COBLL1: variants seen among roughly 807,000 people sequenced by gnomAD.
COBLL1 encodes the protein cordon-bleu protein-like 1.
In COBLL1, 50 loss-of-function variants were observed where a neutral mutation model predicts 94.8. The observed-to-expected ratio is 0.53, with a 90% CI of 0.42 to 0.67. The LOEUF is 0.67. COBLL1 is among the 30% of genes least tolerant of loss of function. The pLI is 0.00. For missense variants in COBLL1, 1,362 were observed against 1,348.7 expected (o/e 1.01, Z -0.15); for synonymous variants, 448 against 473.8 (o/e 0.95, Z 0.71).
rs1214216549 is a variant in COBLL1, at chr2:164,710,570, T to C, written c.997-5465A>G. Among the ~76,000 whole-genome samples, 4 of 150,628 alleles carry C rather than the reference T, an allele frequency of 2.7e-5. No homozygotes were observed. In the East Asian group the frequency reaches 5.8e-4, roughly 22 times the overall value. The stretch of plus-strand genomic sequence containing the variant: ...TGATCCCTAAGCAGCAGCATTCTTT[T>C]TTTTTTTTTTTGGAGACGGAGTTTC... On this transcript the variant is annotated intron_variant, in intron 7 of 13. Transcript: ENST00000652658.
intron 2 of COBLL1, among the ~76,000 whole-genome samples, chr2:164,801,162 G>A (rs1295358632): frequency 2.0e-5 from 3 of 152,106 alleles, no homozygotes; most frequent in Non-Finnish European, 4.4e-5. Context: ...AGCTAAGGCC[G>A]GGCGCGGTGG....
At chr2:164,707,374 C>A (rs550495773) in intron 7 of COBLL1, among the ~76,000 whole-genome samples, 3 of 152,262 alleles carry the variant, frequency 2.0e-5, no homozygotes, top group Admixed American at 6.5e-5. Context: ...CTCCTGACCT[C>A]AAGTGATCTG....
chr2:164,809,728 C>T (rs1005149540), intron 2 of COBLL1, among the ~76,000 whole-genome samples: 1 of 151,902 alleles, frequency 6.6e-6, no homozygotes, highest in Non-Finnish European at 1.5e-5. Flanking sequence ...CACCTGGAGT[C>T]AGCATCTTTT....
Position 164,695,079 on chromosome 2 carries a change from C to A in COBLL1, c.2313G>T (p.Glu771Asp). The change falls in exon 12 of 14, where the codon GAG becomes GAT. Residue 771 changes from glutamate (E) to aspartate (D), a missense_variant. Glu to Asp is a conservative substitution (Grantham distance 45). Transcript: ENST00000652658. ...MHALGKKHTH[E>D]NVKETAIQTE... is the part of the protein sequence containing the mutation. ...TTTGGATGGCAGTTTCTTTCACATT[C>A]TCATGAGTGTGCTTTTTCCCTAAAG... The A allele has an allele frequency of 6.2e-7, 1 of 1,613,862 alleles. No individual in the cohort carries two copies. Among genetic ancestry groups the A allele is most frequent in the East Asian group, 2.2e-5 (1 of 44,868 alleles).
At chr2:164,752,503 C>G (rs72880645) in intron 2 of COBLL1, among the ~76,000 whole-genome samples, 2,592 of 150,554 alleles carry the variant, frequency 0.017, 27 homozygotes, top group South Asian at 0.028. Flanking sequence ...TCTTCTAAGT[C>G]CTGTACAGGT....
chr2:164,701,106 G>A (rs1300292710), intron 9 of COBLL1, among the ~76,000 whole-genome samples: 1 of 152,128 alleles, frequency 6.6e-6, no homozygotes, highest in Non-Finnish European at 1.5e-5. Context: ...GCAAATTAAA[G>A]GCAAATTAAT....
intron 13 of COBLL1, among the ~76,000 whole-genome samples, chr2:164,691,686 C>T (rs968413066): frequency 6.6e-6 from 1 of 152,110 alleles, no homozygotes; most frequent in Non-Finnish European, 1.5e-5. Context: ...TTCTACCCCA[C>T]AGTAAGGAGG....
chr2:164,798,348 G>T (rs1215831100), intron 2 of COBLL1, among the ~76,000 whole-genome samples: 5 of 152,146 alleles, frequency 3.3e-5, no homozygotes, highest in African/African-American at 1.2e-4. Context: ...CCTAGAGTTT[G>T]CCAAGGCTGC....
chr2:164,699,952 A>T (rs913023280), intron 10 of COBLL1, among the ~76,000 whole-genome samples: 2 of 152,066 alleles, frequency 1.3e-5, no homozygotes, highest in Non-Finnish European at 2.9e-5. Flanking sequence ...CATGCAAATT[A>T]TAATAAACGT....
chr2:164,752,715 T>G (rs964916546), intron 2 of COBLL1, among the ~76,000 whole-genome samples: 1 of 152,112 alleles, frequency 6.6e-6, no homozygotes, highest in Non-Finnish European at 1.5e-5. Context: ...AGATACCAGA[T>G]GTACCCATAC....
chr2:164,738,683 T>C (rs1247178832), intron 3 of COBLL1, among the ~76,000 whole-genome samples: 5 of 152,206 alleles, frequency 3.3e-5, no homozygotes, highest in African/African-American at 4.8e-5. Flanking sequence ...GTATCCCTCA[T>C]CCAACATTCT....
chr2:164,735,420 T>C (rs1686246681), intron 3 of COBLL1, among the ~76,000 whole-genome samples: 1 of 152,208 alleles, frequency 6.6e-6, no homozygotes, highest in African/African-American at 2.4e-5. Context: ...TTAAGATCTT[T>C]TCCAAAAATA....
chr2:164,744,059 ATTTTG>A (rs1379920504), intron 2 of COBLL1, among the ~76,000 whole-genome samples, 184 bp from the exon 3 acceptor site: 2 of 152,122 alleles, frequency 1.3e-5, no homozygotes, highest in Non-Finnish European at 2.9e-5. Context: ...TCCAGTCAGC[ATTTTG>A]TTTTGTTTTG....
intron 13 of COBLL1, among the ~76,000 whole-genome samples, chr2:164,688,478 C>G (rs1683423207): frequency 6.6e-6 from 1 of 152,032 alleles, no homozygotes; most frequent in East Asian, 1.9e-4. Flanking sequence ...GAATGAGGAA[C>G]ATATTACACT....
chr2:164,729,767 C>A lies in COBLL1; in HGVS notation c.432+147G>T, dbSNP rs183628513. 4 of 676,540 alleles carry A rather than the reference C, an allele frequency of 5.9e-6. No individual in the cohort carries two copies. The African/African-American group carries it at 7.2e-5, about 12-fold the overall frequency. The allele number at this position is 676,540 out of a possible 1,614,324, so 41.9% of individuals were successfully genotyped here. A position where few individuals can be genotyped will look rare whatever the true frequency, so the allele number is the denominator to read the frequency against. ...TTCTATTTAATCCAGGGATCAATAG[C>A]CAACTGAATCCTAAACAAAGTGCCT... On this transcript the variant is annotated intron_variant, in intron 4 of 13. Coordinates refer to ENST00000652658, the MANE Select transcript of COBLL1 (RefSeq NM_001365672.2).
Position 164,841,232 on chromosome 2 carries a change from G to A in COBLL1, c.-36C>T, listed in dbSNP as rs1004512219. On this transcript the variant is annotated 5_prime_UTR_variant, in exon 2 of 14. Transcript: ENST00000652658. The surrounding 1 kb of genome is among the most constrained non-coding windows in gnomAD (Gnocchi z 5.5). ...GGCGCTGCGCGGGCTCCAGCTCCCA[G>A]GCGGCGCGTCACTGCTGGGGTGGGA... 3 of 1,230,434 alleles carry A rather than the reference G, an allele frequency of 2.4e-6. No individual in the cohort carries two copies. The highest frequency in any genetic ancestry group is 2.0e-6 in the Non-Finnish European group (2 of 987,964). 76.2% of individuals were successfully genotyped at this position (1,230,434 alleles called of 1,614,324 possible).
In COBLL1 at chr2:164,669,496, C is replaced by T. The variant is rs531443931; in HGVS notation, n.127-3595G>A. 2.0e-5 allele frequency among the ~76,000 whole-genome samples: 3 copies of T among 152,312 alleles called. No individual in the cohort carries two copies. The South Asian group carries it at 6.2e-4, about 32-fold the overall frequency. On this transcript the variant is annotated intron_variant and non_coding_transcript_variant, in intron 1 of 2. Coordinates refer to the COBLL1 transcript ENST00000495084. ...TTTTATGCCAAAGACTTTCTTGCAA[C>T]ATGGTCTGTTTCCAAGAGTAATACA...
intron 3 of COBLL1, among the ~76,000 whole-genome samples, chr2:164,735,288 G>A (rs1686240028): frequency 6.6e-6 from 1 of 152,124 alleles, no homozygotes; most frequent in Non-Finnish European, 1.5e-5. Context: ...TTGAGAGGAG[G>A]TTCATATGCT....
chr2:164,689,864 C>T (rs1401946918), intron 13 of COBLL1, among the ~76,000 whole-genome samples: 9 of 152,092 alleles, frequency 5.9e-5, no homozygotes, highest in Non-Finnish European at 2.9e-5. Context: ...TGGAAGTAAG[C>T]GCTATCATAA....
Sources: gnomAD v4.1 joint callset for allele counts (sites outside exome capture counted in the v4.1 genomes callset) on GRCh38, gnomAD v4.1.1 for gene constraint, Gnocchi (gnomAD v3.1) non-coding constraint, MANE v1.5 for transcripts, NCBI Gene and HGNC (gene_info 2026-07-23, HGNC 2026-07-21) for gene names.